Variants in ABI3BP observed in about 807,000 individuals in gnomAD.
ABI3BP encodes ABI family member 3 binding protein.
Under a neutral mutation model 268.6 loss-of-function variants are expected in ABI3BP, and 216 were observed. The observed-to-expected ratio is 0.80, with a 90% CI of 0.72 to 0.90. The LOEUF is 0.90. Ranked by LOEUF, ABI3BP falls within the 40% of genes least tolerant of loss-of-function variation. The probability of loss-of-function intolerance (pLI) is 0.00; values close to 1 mark genes in which losing one functional copy is unlikely to be tolerated. For missense variants in ABI3BP, 2,090 were observed against 2,182.4 expected, an observed-to-expected ratio of 0.96 and a Z score of 0.84; for synonymous variants, 730 against 730.0, an observed-to-expected ratio of 1.00 and a Z score of 0.00.
intron 64 of ABI3BP, among the ~76,000 whole-genome samples, chr3:100,754,301 C>G (rs1394284895): frequency 6.6e-6 from 1 of 152,210 alleles, no homozygotes; most frequent in Non-Finnish European, 1.5e-5. Context: ...ATTAAACTAT[C>G]ATGGGTTCCC....
chr3:100,866,349 C>T (rs894836389), intron 10 of ABI3BP, among the ~76,000 whole-genome samples: 1 of 152,092 alleles, frequency 6.6e-6, no homozygotes, highest in South Asian at 2.1e-4. Context: ...TGGTGACAAA[C>T]TATGGAGAAA....
At chr3:100,887,176 A>G (rs566599864) in intron 4 of ABI3BP, among the ~76,000 whole-genome samples, 37 of 152,084 alleles carry the variant, frequency 2.4e-4, no homozygotes, top group Non-Finnish European at 4.7e-4. Flanking sequence ...TCGAAATACA[A>G]AGACAGACTC....
intron 6 of ABI3BP, among the ~76,000 whole-genome samples, chr3:100,879,226 A>C (rs1044205107): frequency 3.3e-5 from 5 of 151,986 alleles, no homozygotes; most frequent in African/African-American, 1.2e-4. Context: ...TGTGTTTGAC[A>C]CTTCTGAGAC....
Position 100,824,877 on chromosome 3 carries a change from C to A in ABI3BP, c.2727G>T (p.Gln909His). 6.5e-7 allele frequency: 1 copy of A among 1,536,064 alleles called. No individual in the cohort carries two copies. The highest frequency in any genetic ancestry group is 8.7e-7 in the Non-Finnish European group (1 of 1,146,674). Reference protein sequence around the residue: ...RPRPKTTPSPQAPETKPVPAT... With the variant: ...RPRPKTTPSPHAPETKPVPAT... ...ATTTACCAGGTTTGGTCTCAGGTGC[C>A]TGAGGGCTCGGTGTAGTTTTAGGTC... Residue 909 changes from glutamine to histidine, a missense_variant, in exon 36 of 68, where the codon CAG (glutamine) becomes CAT (histidine). Gln to His is a conservative substitution (Grantham distance 24). Coordinates refer to ENST00000471714, the MANE Select transcript of ABI3BP (RefSeq NM_001375547.2).
At chr3:100,882,038 A>G (rs1014227842) in intron 6 of ABI3BP, among the ~76,000 whole-genome samples, 3 of 152,172 alleles carry the variant, frequency 2.0e-5, no homozygotes, top group Admixed American at 2.0e-4. Flanking sequence ...TATCTGTAAA[A>G]TGGACAGCCT....
intron 49 of ABI3BP, 120 bp from the exon 50 acceptor site, chr3:100,808,355 GC>G: frequency 1.6e-6 from 1 of 641,366 alleles, no homozygotes. Context: ...AACAATGAAG[GC>G]TTCTAAAGAT....
intron 4 of ABI3BP, among the ~76,000 whole-genome samples, chr3:100,890,207 T>C (rs2043918425): frequency 6.6e-6 from 1 of 152,162 alleles, no homozygotes; most frequent in African/African-American, 2.4e-5. Flanking sequence ...TATTTCTATG[T>C]GATTAACTAC....
intron 63 of ABI3BP, among the ~76,000 whole-genome samples, chr3:100,756,630 A>T (rs1381142166): frequency 6.6e-6 from 1 of 152,218 alleles, no homozygotes; most frequent in Non-Finnish European, 1.5e-5. Context: ...TGGGCAGTGC[A>T]TTCCACATTC....
intron 1 of ABI3BP, among the ~76,000 whole-genome samples, chr3:100,941,917 G>A (rs752883744): frequency 3.3e-5 from 5 of 152,044 alleles, no homozygotes; most frequent in Non-Finnish European, 5.9e-5. Flanking sequence ...AAAGTTTGAA[G>A]TGCGCTGGGG....
intron 38 of ABI3BP, 51 bp from the exon 39 acceptor site, chr3:100,821,164 A>C: frequency 6.8e-7 from 1 of 1,469,274 alleles, no homozygotes; most frequent in African/African-American, 1.4e-5. Flanking sequence ...ATGAATGTAA[A>C]CTCAAAACTT....
At position 100,828,463 on chromosome 3, in the gene ABI3BP, A is replaced by C. The variant is rs1280877791; in HGVS notation, c.2543-11T>G. The C allele has an allele frequency of 6.5e-7, 1 of 1,529,856 alleles. No homozygotes were observed. Among genetic ancestry groups the C allele is most frequent in the Admixed American group, 2.0e-5 (1 of 50,606 alleles). 94.8% of individuals were successfully genotyped at this position (1,529,856 alleles called of 1,614,324 possible). ...AGATTGTAGCAGGAACTGGCCAAAA[A>C]TAATAAAAATAAAACACCAACAAAA... On this transcript the variant is annotated splice_polypyrimidine_tract_variant and intron_variant, in intron 33 of 67. Coordinates refer to ENST00000471714, the MANE Select transcript of ABI3BP (RefSeq NM_001375547.2).
At chr3:100,993,268 AAT>A in intron 1 of ABI3BP, 36 bp downstream of exon 1, 1 of 1,353,608 alleles carries the variant, frequency 7.4e-7, no homozygotes, top group Non-Finnish European at 1.0e-6. Context: ...TCTATATCTT[AAT>A]ATTATTTTTA....
intron 18 of ABI3BP, among the ~76,000 whole-genome samples, chr3:100,848,173 CCT>C (rs923693287): frequency 6.6e-6 from 1 of 152,084 alleles, no homozygotes; most frequent in Non-Finnish European, 1.5e-5. Context: ...AGAGTCATGT[CCT>C]CTCTAACTCA....
intron 45 of ABI3BP, 90 bp downstream of exon 45, chr3:100,813,571 A>AT: frequency 1.9e-6 from 2 of 1,071,950 alleles, no homozygotes; most frequent in South Asian, 1.6e-5. Context: ...TTCCTTTTTC[A>AT]TTTTTTATCT....
intron 56 of ABI3BP, 86 bp downstream of exon 56, chr3:100,789,368 T>TC (rs1553831439): frequency 1.9e-5 from 24 of 1,277,360 alleles, no homozygotes; most frequent in Non-Finnish European, 2.6e-5. Flanking sequence ...ATGTAAGGGT[T>TC]CCCCTTTGGT....
intron 57 of ABI3BP, among the ~76,000 whole-genome samples, chr3:100,782,177 G>A (rs2096886212): frequency 6.6e-6 from 1 of 152,226 alleles, no homozygotes; most frequent in Non-Finnish European, 1.5e-5. Flanking sequence ...CCACGGGTGT[G>A]TGGGACTCAG....
At chr3:100,760,383 TCATC>T (rs2095870420) in intron 63 of ABI3BP, among the ~76,000 whole-genome samples, 1 of 152,156 alleles carries the variant, frequency 6.6e-6, no homozygotes, top group Non-Finnish European at 1.5e-5. Flanking sequence ...TTGTGTGTGT[TCATC>T]CATTTGCCCA....
rs78164036 is a variant in ABI3BP, at chr3:100,855,460, T to C, written c.1286-3520A>G. On this transcript the variant is annotated intron_variant, in intron 14 of 67. Coordinates refer to ENST00000471714, the MANE Select transcript of ABI3BP (RefSeq NM_001375547.2). ...ACAAAAGACCTCATTAATGGAGAAATTGTGTCTATCATGCTCATTATGCTT... is the reference window on the plus strand; with the variant it reads ...ACAAAAGACCTCATTAATGGAGAAACTGTGTCTATCATGCTCATTATGCTT... 8.6e-3 allele frequency among the ~76,000 whole-genome samples: 1,312 copies of C among 152,318 alleles called. 20 individuals carry two copies. Among genetic ancestry groups the C allele is most frequent in the African/African-American group, 0.029 (1,221 of 41,566 alleles).
intron 50 of ABI3BP, among the ~76,000 whole-genome samples, chr3:100,805,906 T>C (rs1407765194): frequency 6.6e-6 from 1 of 152,046 alleles, no homozygotes; most frequent in Non-Finnish European, 1.5e-5. Flanking sequence ...CTTCACAAAT[T>C]TGGTTTTGAA....
Sources: allele counts gnomAD v4.1 joint callset (sites outside exome capture counted in the v4.1 genomes callset), GRCh38; gene constraint gnomAD v4.1.1; transcripts MANE v1.5; gene names NCBI Gene and HGNC (gene_info 2026-07-23, HGNC 2026-07-21).